The following GOLT1B variants were observed in gnomAD, a reference collection of about 807,000 sequenced individuals.
GOLT1B encodes golgi transport 1B.
GOLT1B carries 3 observed loss-of-function variants against 15.4 expected under a neutral mutation model. The ratio of observed to expected loss-of-function variants is 0.19; its 90% confidence interval spans 0.09 to 0.50. The LOEUF is 0.50. Among genes scored for constraint, GOLT1B ranks in the 20% least tolerant of loss-of-function variants. GOLT1B has a pLI of 0.97. For synonymous variants in GOLT1B, 65 were observed against 56.2 expected (o/e 1.16, Z -0.70); for missense variants, 145 against 160.4 (o/e 0.90, Z 0.52).
intron 1 of GOLT1B, among the ~76,000 whole-genome samples, chr12:21,505,315 C>T (rs1943671457): frequency 6.6e-6 from 1 of 152,012 alleles, no homozygotes; most frequent in Admixed American, 6.6e-5. Context: ...ACAAAGCTGC[C>T]GATGTTTAAT....
intron 2 of GOLT1B, 123 bp from the exon 3 acceptor site, chr12:21,508,260 G>T: frequency 1.6e-6 from 1 of 631,308 alleles, no homozygotes; most frequent in Non-Finnish European, 2.7e-6. Flanking sequence ...TGTCTGGCCA[G>T]TTGCCCACAT....
At chr12:21,512,653 T>A (rs1029172850) in intron 4 of GOLT1B, among the ~76,000 whole-genome samples, 1 of 152,188 alleles carries the variant, frequency 6.6e-6, no homozygotes, top group African/African-American at 2.4e-5. Flanking sequence ...TCTTTGAGAG[T>A]TCAGGGCATT....
intron 1 of GOLT1B, among the ~76,000 whole-genome samples, chr12:21,506,235 A>C (rs1943677758): frequency 1.3e-5 from 2 of 152,128 alleles, no homozygotes; most frequent in Admixed American, 6.5e-5. Flanking sequence ...GTAGATTTAT[A>C]GTTTAGGTAA....
intron 3 of GOLT1B, among the ~76,000 whole-genome samples, chr12:21,511,189 T>C (rs1017178376): frequency 2.6e-5 from 4 of 152,200 alleles, no homozygotes; most frequent in Non-Finnish European, 5.9e-5. Flanking sequence ...CACGATCCCC[T>C]GTTTGGATCA....
intron 4 of GOLT1B, 124 bp downstream of exon 4, chr12:21,512,500 A>G (rs1943727362): frequency 1.6e-6 from 1 of 644,354 alleles, no homozygotes. Flanking sequence ...GTTACTTCAC[A>G]TAGATCATGA....
In GOLT1B at chr12:21,516,671, T is replaced by G. The variant is rs1209270944; in HGVS notation, c.*964T>G. ...TAAATTAAAATAACTTTTGATAATG[T>G]TTACTTTAAGACATGTAACATGTTA... On this transcript the variant is annotated 3_prime_UTR_variant, in exon 5 of 5. Coordinates refer to ENST00000229314, the MANE Select transcript of GOLT1B (RefSeq NM_016072.5). The G allele has an allele frequency of 6.6e-6, 1 of 152,084 alleles. No homozygotes were observed. Among genetic ancestry groups the G allele is most frequent in the African/African-American group, 2.4e-5 (1 of 41,442 alleles). 9.4% of individuals were successfully genotyped at this position (152,084 alleles called of 1,614,324 possible).
chr12:21,513,350 CTT>C (rs1943733805), intron 4 of GOLT1B, among the ~76,000 whole-genome samples: 1 of 152,110 alleles, frequency 6.6e-6, no homozygotes, highest in African/African-American at 2.4e-5. Flanking sequence ...GTTGTAACAT[CTT>C]TTGGTGGAGT....
In GOLT1B at chr12:21,516,642, T is replaced by A. The variant is rs1263880224; in HGVS notation, c.*935T>A. On this transcript the variant is annotated 3_prime_UTR_variant, in exon 5 of 5. Coordinates refer to ENST00000229314, the MANE Select transcript of GOLT1B (RefSeq NM_016072.5). ...TTTAGCAGTGGCTTATTATTTGTTT[T>A]TCATAAATTAAAATAACTTTTGATA... 6.6e-6 allele frequency: 1 copy of A among 152,116 alleles called. No individual in the cohort carries two copies. Among genetic ancestry groups the A allele is most frequent in the Non-Finnish European group, 1.5e-5 (1 of 67,936 alleles). 9.4% of individuals were successfully genotyped at this position (152,116 alleles called of 1,614,324 possible).
rs773517026 is a variant in GOLT1B at position 21,508,579 on chromosome 12, CTCTT to C, written c.296+21_296+24del. On this transcript the variant is annotated intron_variant, in intron 3 of 4. Coordinates refer to ENST00000229314, the MANE Select transcript of GOLT1B (RefSeq NM_016072.5). ...TTGTTCAGGTAAGGCATATTATTGT[CTCTT>C]TCAGTAAATCAGTGTGTCAGATAGT... The C allele has an allele frequency of 2.2e-5, 28 of 1,248,834 alleles. No homozygotes were observed. The African/African-American group carries it at 2.9e-4, about 13-fold the overall frequency. 77.4% of individuals were successfully genotyped at this position (1,248,834 alleles called of 1,614,324 possible).
rs34378602 is a variant in GOLT1B, at chr12:21,512,311, G to A, written c.313G>A (p.Val105Ile). The A allele has an allele frequency of 2.2e-3, 3,386 of 1,563,762 alleles. 5 individuals are homozygous for A. The highest frequency in any genetic ancestry group is 2.6e-3 in the Non-Finnish European group (2,898 of 1,135,832). Reference protein sequence around the residue: ...FLLFRGFFPVVVGFIRRVPVL... With the variant: ...FLLFRGFFPVIVGFIRRVPVL... ...CTCTCCCAGGGGCTTCTTTCCTGTCGTTGTTGGCTTTATTAGAAGAGTGCC... is the reference window on the plus strand; with the variant it reads ...CTCTCCCAGGGGCTTCTTTCCTGTCATTGTTGGCTTTATTAGAAGAGTGCC... The change falls in exon 4 of 5, where the codon GTT (valine) becomes ATT (isoleucine). Residue 105 changes from valine (V) to isoleucine (I), a missense_variant. Physicochemically the swap from Val to Ile is conservative, Grantham distance 29. Transcript: ENST00000229314.
chr12:21,510,435 A>C (rs78874807), intron 3 of GOLT1B, among the ~76,000 whole-genome samples: 4,082 of 152,300 alleles, frequency 0.027, 80 homozygotes, highest in Non-Finnish European at 0.041. Context: ...GAGATGAATA[A>C]AAAATGGGAA....
chr12:21,506,776 C>T, intron 1 of GOLT1B, 109 bp from the exon 2 acceptor site: 1 of 539,464 alleles, frequency 1.9e-6, no homozygotes, highest in Non-Finnish European at 3.3e-6. Flanking sequence ...TGTTGGGTAC[C>T]TGTTTTCTTA....
At chr12:21,511,992 T>C (rs1943723317) in intron 3 of GOLT1B, among the ~76,000 whole-genome samples, 1 of 152,224 alleles carries the variant, frequency 6.6e-6, no homozygotes, top group Non-Finnish European at 1.5e-5. Flanking sequence ...TTCATGGTTC[T>C]ACACATATGG....
chr12:21,502,005 G>T, intron 1 of GOLT1B, 57 bp downstream of exon 1: 1 of 1,301,098 alleles, frequency 7.7e-7, no homozygotes, highest in Non-Finnish European at 1.1e-6. Context: ...CGCCCGGCTG[G>T]GTCTCGCCCC....
At chr12:21,515,123 C>T (rs1403520193) in intron 4 of GOLT1B, 2 of 564,226 alleles carry the variant, frequency 3.5e-6, no homozygotes, top group South Asian at 2.5e-5. Flanking sequence ...TTAAATCTAT[C>T]TTTAATGTCA....
chr12:21,508,919 A>AGGTAGATAGATAGATC (rs1943699492), intron 3 of GOLT1B, among the ~76,000 whole-genome samples: 2 of 151,272 alleles, frequency 1.3e-5, no homozygotes, highest in Admixed American at 1.3e-4. Flanking sequence ...ATAGATAGAT[A>AGGTAGATAGATAGATC]GATCCAGCAT....
chr12:21,504,082 A>G (rs926957256), intron 1 of GOLT1B, among the ~76,000 whole-genome samples: 9 of 152,242 alleles, frequency 5.9e-5, no homozygotes, highest in Admixed American at 4.6e-4. Context: ...TAAGATATCA[A>G]AATGCTAACA....
chr12:21,507,238 C>T lies in GOLT1B; in HGVS notation c.117+262C>T, dbSNP rs976458434. The T allele has an allele frequency of 5.3e-5, 20 of 379,984 alleles. No homozygotes were observed. In the East Asian group the frequency reaches 1.1e-3, roughly 21 times the overall value. 23.5% of individuals were successfully genotyped at this position (379,984 alleles called of 1,614,324 possible). On this transcript the variant is annotated intron_variant, in intron 2 of 4. Transcript: ENST00000229314. ...TTACAATAGATTAAATGAAGGCTGCCTCTAAATAGGAGTTCAAAATAGATG... is the reference window on the plus strand; with the variant it reads ...TTACAATAGATTAAATGAAGGCTGCTTCTAAATAGGAGTTCAAAATAGATG...
At chr12:21,512,484 G>T (rs544249886) in intron 4 of GOLT1B, 108 bp downstream of exon 4, 2 of 686,246 alleles carry the variant, frequency 2.9e-6, no homozygotes, top group African/African-American at 1.8e-5. Flanking sequence ...TTTGTATTAT[G>T]ATATAGTTAC....
Sources: allele counts gnomAD v4.1 joint callset (sites outside exome capture counted in the v4.1 genomes callset), GRCh38; gene constraint gnomAD v4.1.1; transcripts MANE v1.5; gene names NCBI Gene and HGNC (gene_info 2026-07-23, HGNC 2026-07-21).